The following TMEM164 variants were observed in gnomAD, a reference collection of about 807,000 sequenced individuals.
TMEM164 encodes the protein RP13-360B22.2.
Under a neutral mutation model 18.8 loss-of-function variants are expected in TMEM164, and 4 were observed. That is an observed-to-expected ratio of 0.21 (90% confidence interval 0.10 to 0.49). The LOEUF (loss-of-function observed/expected upper bound fraction) is 0.49, where lower values mean the gene tolerates loss of function less well. Ranked by LOEUF, TMEM164 falls within the 20% of genes least tolerant of loss-of-function variation. The pLI, the probability that TMEM164 is intolerant of heterozygous loss-of-function variation, is 0.98. For missense variants in TMEM164, 108 were observed against 239.9 expected (o/e 0.45, Z 3.63); for synonymous variants, 86 against 101.7 (o/e 0.85, Z 0.93).
Position 110,003,560 on chromosome X carries a change from G to T in TMEM164, c.-215G>T. The T allele has an allele frequency of 2.7e-6, 1 of 371,125 alleles. No homozygotes were observed. The highest frequency in any genetic ancestry group is 4.5e-6 in the Non-Finnish European group (1 of 221,035). 30.6% of individuals were successfully genotyped at this position (371,125 alleles called of 1,213,427 possible). A position where few individuals can be genotyped will look rare whatever the true frequency, so the allele number is the denominator to read the frequency against. ...GGTGGCCACTGGAGAAGCGCGGGGG[G>T]CTCCCCCAGACAGCCGTGGGGACAA... is the stretch of plus-strand genomic sequence containing the variant. On this transcript the variant is annotated 5_prime_UTR_variant, in exon 2 of 7. Transcript: ENST00000372068.
At chrX:110,096,853 C>T (rs139891437) in intron 3 of TMEM164, among the ~76,000 whole-genome samples, 8 of 111,610 alleles carry the variant, frequency 7.2e-5, no homozygotes, top group East Asian at 5.6e-4. Context: ...AATTCTGAAA[C>T]GCAAGGTCCT....
intron 3 of TMEM164, among the ~76,000 whole-genome samples, chrX:110,088,257 C>G (rs1487688379): frequency 8.9e-6 from 1 of 111,806 alleles, no homozygotes; most frequent in Non-Finnish European, 1.9e-5. Flanking sequence ...TCAGTACCCC[C>G]TTTCCCAGTG....
chrX:110,098,926 G>A (rs2066065212), intron 3 of TMEM164, among the ~76,000 whole-genome samples: 1 of 106,351 alleles, frequency 9.4e-6, no homozygotes, highest in Non-Finnish European at 1.9e-5. Flanking sequence ...GGGACTACAA[G>A]GCACCCGCCA....
At chrX:110,032,447 GTTTT>G (rs755810041) in intron 2 of TMEM164, among the ~76,000 whole-genome samples, 5 of 107,998 alleles carry the variant, frequency 4.6e-5, no homozygotes, top group Non-Finnish European at 9.7e-5. Flanking sequence ...TGTTGTTGTT[GTTTT>G]TTTTTGCAGT....
intron 5 of TMEM164, among the ~76,000 whole-genome samples, chrX:110,168,679 T>G (rs1287603250): frequency 8.9e-6 from 1 of 112,641 alleles, no homozygotes; most frequent in Non-Finnish European, 1.9e-5. Context: ...TGGTCCCCAC[T>G]TTAGTCACTG....
At chrX:110,129,675 A>G (rs1223161156) in intron 4 of TMEM164, among the ~76,000 whole-genome samples, 3 of 112,685 alleles carry the variant, frequency 2.7e-5, no homozygotes, top group African/African-American at 9.7e-5. Flanking sequence ...GAACATCTGG[A>G]TCTTGTTTTC....
Position 110,161,478 on chromosome X carries a change from G to A in TMEM164, c.587-9942G>A, listed in dbSNP as rs754073056. On this transcript the variant is annotated intron_variant, in intron 5 of 6. Coordinates refer to ENST00000372068, the MANE Select transcript of TMEM164 (RefSeq NM_032227.4). ...GACCTGAGGGATTTGACTGATTGGC[G>A]AAGGGCTGAGCCTTGTGCAACAGGT... 4.1e-3 allele frequency among the ~76,000 whole-genome samples: 464 copies of A among 112,067 alleles called. 6 individuals are homozygous for A. The highest frequency in any genetic ancestry group is 0.015 in the African/African-American group (452 of 30,801).
chrX:110,117,219 AACTTT>A (rs1262355999), intron 4 of TMEM164, among the ~76,000 whole-genome samples: 1 of 111,629 alleles, frequency 9.0e-6, no homozygotes, highest in Non-Finnish European at 1.9e-5. Context: ...CTAGCATGAA[AACTTT>A]GGTCTTTCTG....
At chrX:110,144,572 T>G (rs1222251981) in intron 4 of TMEM164, among the ~76,000 whole-genome samples, 2 of 111,724 alleles carry the variant, frequency 1.8e-5, no homozygotes. Flanking sequence ...GTGGAGCATT[T>G]ACAAGTACCT....
intron 3 of TMEM164, among the ~76,000 whole-genome samples, chrX:110,095,137 G>A (rs1220976980): frequency 9.0e-6 from 1 of 111,676 alleles, no homozygotes; most frequent in African/African-American, 3.3e-5. Context: ...CAACTTTGGT[G>A]AATCTGACAA....
chrX:110,127,213 G>A (rs1026099799), intron 4 of TMEM164, among the ~76,000 whole-genome samples: 4 of 111,105 alleles, frequency 3.6e-5, no homozygotes, highest in Non-Finnish European at 7.5e-5. Flanking sequence ...GTTTTAGTGT[G>A]GTTAAAGGGT....
In TMEM164 at chrX:110,144,923, C is replaced by T. The variant is rs758604990; in HGVS notation, c.586+47C>T. Reference sequence around the variant, plus strand: ...CCTATGTAACCCCCACACCTAACCTCTCCCTTCTGTTTTTGGGAGTCACAG... The same window carrying T: ...CCTATGTAACCCCCACACCTAACCTTTCCCTTCTGTTTTTGGGAGTCACAG... On this transcript the variant is annotated intron_variant, in intron 5 of 6. Transcript: ENST00000372068. 6 of 1,047,909 alleles carry T rather than the reference C, an allele frequency of 5.7e-6. 1 individual carries two copies. The highest frequency in any genetic ancestry group is 5.6e-5 in the African/African-American group (3 of 53,941). 86.4% of individuals were successfully genotyped at this position (1,047,909 alleles called of 1,213,427 possible). A position where few individuals can be genotyped will look rare whatever the true frequency, so the allele number is the denominator to read the frequency against.
At chrX:110,090,648 C>A (rs1019628701) in intron 3 of TMEM164, among the ~76,000 whole-genome samples, 4 of 111,427 alleles carry the variant, frequency 3.6e-5, no homozygotes, top group African/African-American at 1.3e-4. Context: ...AAGTGAATAG[C>A]GCAGTACATA....
chrX:110,011,003 A>G (rs1030981800), intron 2 of TMEM164, among the ~76,000 whole-genome samples: 1 of 111,945 alleles, frequency 8.9e-6, no homozygotes, highest in Non-Finnish European at 1.9e-5. Context: ...GGTTTGTTGT[A>G]TGCTAACTCT....
Position 110,093,745 on chromosome X carries a change from G to A in TMEM164, c.441-15335G>A, listed in dbSNP as rs774309531. Among the ~76,000 whole-genome samples the A allele has an allele frequency of 2.2e-4, 24 of 111,240 alleles. No individual in the cohort carries two copies. In the South Asian group the frequency reaches 9.0e-3, roughly 42 times the overall value. On this transcript the variant is annotated intron_variant, in intron 3 of 6. Coordinates refer to ENST00000372068, the MANE Select transcript of TMEM164 (RefSeq NM_032227.4). ...CTTCCGCTAGCTTTTGAATGTGTTT[G>A]CTCTTGCTTCTCTAGTTCTTTTAAC...
At chrX:110,054,038 A>G (rs1007643903) in intron 2 of TMEM164, among the ~76,000 whole-genome samples, 2 of 111,747 alleles carry the variant, frequency 1.8e-5, no homozygotes, top group African/African-American at 6.5e-5. Context: ...TATGGTGGAG[A>G]CAAAAGGTAG....
At chrX:110,016,996 T>A (rs1391181319) in intron 2 of TMEM164, among the ~76,000 whole-genome samples, 5 of 112,232 alleles carry the variant, frequency 4.5e-5, no homozygotes, top group Non-Finnish European at 9.4e-5. Context: ...TCTAGCTGAT[T>A]TCCCCTTTGG....
intron 3 of TMEM164, among the ~76,000 whole-genome samples, chrX:110,085,942 G>A (rs2065846092): frequency 8.9e-6 from 1 of 112,072 alleles, no homozygotes; most frequent in Non-Finnish European, 1.9e-5. Flanking sequence ...AGTCCAAATG[G>A]ATGTCCGGTT....
chrX:110,026,528 G>A (rs988886172), intron 2 of TMEM164, among the ~76,000 whole-genome samples: 1 of 111,219 alleles, frequency 9.0e-6, no homozygotes, highest in African/African-American at 3.3e-5. Flanking sequence ...TAGAACCTCA[G>A]AGCCGTGGGT....
Sources: gnomAD v4.1 joint callset for allele counts (sites outside exome capture counted in the v4.1 genomes callset) on GRCh38, gnomAD v4.1.1 for gene constraint, MANE v1.5 for transcripts, NCBI Gene and HGNC (gene_info 2026-07-23, HGNC 2026-07-21) for gene names.